AFG2A: variants seen among roughly 807,000 people sequenced by gnomAD.
The protein encoded by AFG2A is ATPase family gene 2 protein homolog A.
the AFG2A span, among the ~76,000 whole-genome samples, chr4:123,312,724 A>G: frequency 3.3e-5 from 5 of 152,232 alleles, no homozygotes; most frequent in Non-Finnish European, 1.5e-5. Context: ...CATAACCACT[A>G]CAGTTAACTT....
At chr4:123,144,990 C>T in the AFG2A span, among the ~76,000 whole-genome samples, 1 of 151,956 alleles carries the variant, frequency 6.6e-6, no homozygotes, top group Non-Finnish European at 1.5e-5. Flanking sequence ...TTAGAACATA[C>T]AGGCTAGAAG....
the AFG2A span, chr4:122,935,672 C>A: frequency 6.7e-7 from 1 of 1,496,868 alleles, no homozygotes. Context: ...TTATAAGAAA[C>A]CTAGTAATGG....
At chr4:122,972,710 T>G in the AFG2A span, among the ~76,000 whole-genome samples, 1 of 152,032 alleles carries the variant, frequency 6.6e-6, no homozygotes, top group African/African-American at 2.4e-5. Context: ...TTAACTGATT[T>G]TCAAATATTT....
At chr4:122,977,092 G>A in the AFG2A span, among the ~76,000 whole-genome samples, 4 of 152,154 alleles carry the variant, frequency 2.6e-5, no homozygotes, top group Admixed American at 2.6e-4. Context: ...AATCTTGCAT[G>A]GGGTTTGGGT....
chr4:123,312,320 G>A, the AFG2A span, among the ~76,000 whole-genome samples: 173 of 152,300 alleles, frequency 1.1e-3, no homozygotes, highest in Non-Finnish European at 2.0e-3. Flanking sequence ...AGAGAGCTCC[G>A]TCACCTGGCA....
At chr4:123,303,128 A>G in the AFG2A span, among the ~76,000 whole-genome samples, 1 of 152,200 alleles carries the variant, frequency 6.6e-6, no homozygotes, top group Non-Finnish European at 1.5e-5. Context: ...ACTCTGTTTT[A>G]TCATATTATT....
the AFG2A span, among the ~76,000 whole-genome samples, chr4:123,209,400 T>A: frequency 2.0e-5 from 3 of 152,050 alleles, no homozygotes; most frequent in African/African-American, 7.2e-5. Flanking sequence ...TGCTGTGGTA[T>A]GAGAGCAGAG....
chr4:123,191,441 C>G, the AFG2A span, among the ~76,000 whole-genome samples: 4 of 151,246 alleles, frequency 2.6e-5, no homozygotes, highest in Non-Finnish European at 5.9e-5. Flanking sequence ...TTAGGGAGGG[C>G]TTTGCTCCAG....
the AFG2A span, among the ~76,000 whole-genome samples, chr4:123,176,794 G>A: frequency 7.3e-5 from 11 of 150,742 alleles, no homozygotes; most frequent in Non-Finnish European, 1.0e-4. Flanking sequence ...GAGTGGGAGA[G>A]GACCTGTAGC....
At chr4:122,944,845 C>A in the AFG2A span, among the ~76,000 whole-genome samples, 1 of 152,254 alleles carries the variant, frequency 6.6e-6, no homozygotes, top group South Asian at 2.1e-4. Flanking sequence ...TGTTAGTTTT[C>A]CTTCTAACAG....
the AFG2A span, among the ~76,000 whole-genome samples, chr4:123,213,195 C>T: frequency 6.6e-6 from 1 of 152,018 alleles, no homozygotes; most frequent in African/African-American, 2.4e-5. Context: ...GTTTTGATAC[C>T]ATTTCTTATA....
At chr4:122,953,184 C>T in the AFG2A span, among the ~76,000 whole-genome samples, 1 of 152,182 alleles carries the variant, frequency 6.6e-6, no homozygotes, top group Non-Finnish European at 1.5e-5. Flanking sequence ...TCACATGCTT[C>T]ACCACTCTCA....
At chr4:123,062,023 A>T in the AFG2A span, among the ~76,000 whole-genome samples, 2 of 152,206 alleles carry the variant, frequency 1.3e-5, no homozygotes, top group African/African-American at 4.8e-5. Flanking sequence ...GAAACCAGAC[A>T]AGGCACTTTG....
chr4:123,010,053 A>G, the AFG2A span, among the ~76,000 whole-genome samples: 14 of 152,192 alleles, frequency 9.2e-5, no homozygotes, highest in Non-Finnish European at 1.2e-4. Flanking sequence ...GTAATTGGTC[A>G]AGTTGCAGAT....
the AFG2A span, among the ~76,000 whole-genome samples, chr4:123,029,026 A>G: frequency 6.6e-6 from 1 of 152,232 alleles, no homozygotes; most frequent in Non-Finnish European, 1.5e-5. Flanking sequence ...CTGTAAATCC[A>G]TTTCTGTGGA....
chr4:123,202,368 G>A, the AFG2A span, among the ~76,000 whole-genome samples: 1 of 151,980 alleles, frequency 6.6e-6, no homozygotes, highest in Non-Finnish European at 1.5e-5. Flanking sequence ...ATATAAAACA[G>A]GAATTTAAAA....
At chr4:123,004,723 A>G in the AFG2A span, among the ~76,000 whole-genome samples, 1 of 152,190 alleles carries the variant, frequency 6.6e-6, no homozygotes, top group Admixed American at 6.5e-5. Context: ...ATATCAGGAT[A>G]ATGTTGGCAC....
the AFG2A span, among the ~76,000 whole-genome samples, chr4:123,209,020 T>C: frequency 6.6e-6 from 1 of 152,150 alleles, no homozygotes; most frequent in East Asian, 1.9e-4. Flanking sequence ...GGGCTAAAGA[T>C]TGAGTTGATC....
the AFG2A span, among the ~76,000 whole-genome samples, chr4:122,999,154 G>T: frequency 2.9e-5 from 1 of 34,606 alleles, no homozygotes; most frequent in African/African-American, 5.3e-5. Context: ...CTTGTTGATG[G>T]GGTTGTTTTT....
Sources: gnomAD v4.1 joint callset for allele counts (sites outside exome capture counted in the v4.1 genomes callset) on GRCh38, gnomAD v4.1.1 for gene constraint, MANE v1.5 for transcripts, NCBI Gene and HGNC (gene_info 2026-07-23, HGNC 2026-07-21) for gene names.